CDK14: variants seen among roughly 807,000 people sequenced by gnomAD.
CDK14 encodes the protein cyclin-dependent kinase 14.
Under a neutral mutation model 60.7 loss-of-function variants are expected in CDK14, and 34 were observed. The ratio of observed to expected loss-of-function variants is 0.56; its 90% CI spans 0.43 to 0.75. The LOEUF (loss-of-function observed/expected upper bound fraction) is 0.75. CDK14 is among the 30% of genes least tolerant of loss of function. The pLI is 0.00. For missense variants in CDK14, 482 were observed against 564.1 expected, an observed-to-expected ratio of 0.85 and a Z score of 1.47; for synonymous variants, 197 against 203.7, an observed-to-expected ratio of 0.97 and a Z score of 0.28.
chr7:90,786,410 A>G (rs1208871310), intron 4 of CDK14, among the ~76,000 whole-genome samples: 4 of 152,280 alleles, frequency 2.6e-5, no homozygotes, highest in South Asian at 2.1e-4. Flanking sequence ...TATTGATTCA[A>G]TTTGAATTTT....
At chr7:90,671,266 A>G (rs10271241) in intron 2 of CDK14, among the ~76,000 whole-genome samples, 46,656 of 151,690 alleles carry the variant, frequency 0.31, 8,029 homozygotes, top group East Asian at 0.67. Flanking sequence ...TAGAAGCCAT[A>G]GATTCTTCCT....
At chr7:90,717,774 C>A (rs773515107) in intron 2 of CDK14, among the ~76,000 whole-genome samples, 4 of 151,798 alleles carry the variant, frequency 2.6e-5, no homozygotes, top group Non-Finnish European at 5.9e-5. Context: ...TAAAACAATC[C>A]ATCATTGAGT....
intron 1 of CDK14, among the ~76,000 whole-genome samples, chr7:90,600,635 C>A (rs962944318): frequency 2.6e-5 from 4 of 152,128 alleles, no homozygotes; most frequent in Admixed American, 2.0e-4. Context: ...TGTCATGTGA[C>A]GAATTCATTA....
At chr7:90,908,110 C>CT (rs1388069912) in intron 7 of CDK14, among the ~76,000 whole-genome samples, 3 of 151,934 alleles carry the variant, frequency 2.0e-5, no homozygotes, top group African/African-American at 7.3e-5. Flanking sequence ...TCTGTCCAGG[C>CT]TTTTTTTGAA....
intron 3 of CDK14, among the ~76,000 whole-genome samples, chr7:90,747,426 A>G (rs1033552323): frequency 6.6e-6 from 1 of 152,254 alleles, no homozygotes; most frequent in Non-Finnish European, 1.5e-5. Context: ...GCACTGGAAG[A>G]ACAGCTATCA....
At chr7:91,027,346 A>G (rs1346050507) in intron 10 of CDK14, among the ~76,000 whole-genome samples, 1 of 152,160 alleles carries the variant, frequency 6.6e-6, no homozygotes, top group African/African-American at 2.4e-5. Context: ...CAATTACCCC[A>G]TATCTCAGTG....
chr7:90,765,910 C>T (rs1804537175), intron 4 of CDK14, among the ~76,000 whole-genome samples: 1 of 152,084 alleles, frequency 6.6e-6, no homozygotes, highest in Non-Finnish European at 1.5e-5. Flanking sequence ...CTGAGGAGCT[C>T]TATTTTCTCT....
At chr7:90,597,794 C>A (rs1420166522) in intron 1 of CDK14, among the ~76,000 whole-genome samples, 1 of 149,964 alleles carries the variant, frequency 6.7e-6, no homozygotes, top group East Asian at 2.0e-4. Context: ...TGCAAACTTT[C>A]TTCAAGTGAG....
intron 2 of CDK14, among the ~76,000 whole-genome samples, chr7:90,633,393 T>C (rs2116409819): frequency 6.6e-6 from 1 of 152,336 alleles, no homozygotes; most frequent in African/African-American, 2.4e-5. Context: ...GTAAAATTTC[T>C]TAGATATATG....
At chr7:91,017,960 G>A (rs1008078168) in intron 10 of CDK14, among the ~76,000 whole-genome samples, 1 of 152,214 alleles carries the variant, frequency 6.6e-6, no homozygotes, top group African/African-American at 2.4e-5. Flanking sequence ...GCATCAGACA[G>A]AGGTTGTGCT....
chr7:90,610,554 A>T (rs1799519217), intron 2 of CDK14, among the ~76,000 whole-genome samples: 1 of 152,252 alleles, frequency 6.6e-6, no homozygotes, highest in African/African-American at 2.4e-5. Context: ...TGACTTAAAT[A>T]ACAGAATTTT....
At chr7:90,710,195 C>T in intron 2 of CDK14, 1 of 985,232 alleles carries the variant, frequency 1.0e-6, no homozygotes, top group Non-Finnish European at 1.2e-6. Flanking sequence ...GAGGCTACTG[C>T]TTGTAGTTTG....
intron 10 of CDK14, among the ~76,000 whole-genome samples, chr7:90,988,138 G>A (rs953464796): frequency 1.3e-5 from 2 of 152,088 alleles, no homozygotes; most frequent in African/African-American, 2.4e-5. Context: ...TCTTTCTAAG[G>A]TTCTTTTTTC....
intron 5 of CDK14, among the ~76,000 whole-genome samples, chr7:90,793,965 C>T (rs1805938851): frequency 6.6e-6 from 1 of 152,060 alleles, no homozygotes; most frequent in Admixed American, 6.6e-5. Context: ...GGGAAACCAG[C>T]CCACGATATT....
intron 2 of CDK14, among the ~76,000 whole-genome samples, chr7:90,662,046 C>T (rs1279216569): frequency 3.3e-5 from 5 of 152,168 alleles, no homozygotes; most frequent in South Asian, 2.1e-4. Flanking sequence ...AAAATTGGCA[C>T]GTCCCTCCAT....
chr7:90,627,386 A>AT (rs1383290595), intron 2 of CDK14, among the ~76,000 whole-genome samples: 1 of 151,936 alleles, frequency 6.6e-6, no homozygotes, highest in African/African-American at 2.4e-5. Flanking sequence ...AGTTTTAAAA[A>AT]TTTTTTGTAG....
chr7:91,183,370 C>G (rs1011964805), intron 14 of CDK14, among the ~76,000 whole-genome samples: 2 of 152,202 alleles, frequency 1.3e-5, no homozygotes, highest in African/African-American at 4.8e-5. Flanking sequence ...AGTTTCTCCT[C>G]TCACCTTTTC....
chr7:90,884,736 C>T (rs1322129058), intron 6 of CDK14, among the ~76,000 whole-genome samples: 3 of 152,118 alleles, frequency 2.0e-5, no homozygotes, highest in Non-Finnish European at 2.9e-5. Context: ...CCAAAACAGA[C>T]ATATAGATCA....
chr7:90,597,969 T>C (rs1464897559), intron 1 of CDK14, among the ~76,000 whole-genome samples: 1 of 152,098 alleles, frequency 6.6e-6, no homozygotes, highest in African/African-American at 2.4e-5. Flanking sequence ...TTAATTTCAC[T>C]CTTCAGAATT....
Sources: allele counts gnomAD v4.1 joint callset (sites outside exome capture counted in the v4.1 genomes callset), GRCh38; gene constraint gnomAD v4.1.1; transcripts MANE v1.5; gene names NCBI Gene and HGNC (gene_info 2026-07-23, HGNC 2026-07-21).